Variants in AKAP19 observed in about 807,000 individuals in gnomAD.
AKAP19 encodes the protein A-kinase anchoring protein 19.
At chr2:189,995,780 A>G in the AKAP19 span, among the ~76,000 whole-genome samples, 617 of 152,092 alleles carry the variant, frequency 4.1e-3, 3 homozygotes, top group Non-Finnish European at 6.1e-3. Flanking sequence ...GTTTCAAGAT[A>G]TAGAACTCCT....
chr2:189,963,441 T>A, the AKAP19 span, among the ~76,000 whole-genome samples: 2 of 152,108 alleles, frequency 1.3e-5, no homozygotes, highest in Non-Finnish European at 2.9e-5. Context: ...GTGATCTGCC[T>A]GCCTCGGCCT....
the AKAP19 span, among the ~76,000 whole-genome samples, chr2:189,945,800 A>G: frequency 1.3e-5 from 2 of 152,138 alleles, no homozygotes; most frequent in Admixed American, 6.5e-5. Flanking sequence ...TCAGGAGACT[A>G]TTTATTCTGA....
At chr2:190,168,669 T>C in the AKAP19 span, among the ~76,000 whole-genome samples, 1 of 152,304 alleles carries the variant, frequency 6.6e-6, no homozygotes, top group South Asian at 2.1e-4. Flanking sequence ...TCCTAAATCA[T>C]CTCTTTCAAG....
At chr2:190,157,885 A>C in the AKAP19 span, among the ~76,000 whole-genome samples, 1 of 152,360 alleles carries the variant, frequency 6.6e-6, no homozygotes, top group East Asian at 1.9e-4. Flanking sequence ...ATATTGTTTT[A>C]TACTCAGTAC....
chr2:190,120,744 A>G, the AKAP19 span, among the ~76,000 whole-genome samples: 2 of 152,212 alleles, frequency 1.3e-5, no homozygotes, highest in Non-Finnish European at 2.9e-5. Flanking sequence ...TTGAAGTTGT[A>G]GAACAACTGT....
the AKAP19 span, among the ~76,000 whole-genome samples, chr2:189,926,935 G>A: frequency 6.6e-6 from 1 of 152,020 alleles, no homozygotes; most frequent in Non-Finnish European, 1.5e-5. Flanking sequence ...CCAGGCTGGA[G>A]TCCAGTGGTG....
the AKAP19 span, among the ~76,000 whole-genome samples, chr2:190,123,643 A>T: frequency 6.6e-6 from 1 of 152,236 alleles, no homozygotes; most frequent in Non-Finnish European, 1.5e-5. Context: ...CAGGATTGCA[A>T]GACTCACCAC....
At chr2:190,145,191 A>G in the AKAP19 span, among the ~76,000 whole-genome samples, 2 of 152,180 alleles carry the variant, frequency 1.3e-5, no homozygotes, top group African/African-American at 4.8e-5. Context: ...GGAGGCTGAC[A>G]TGGAAGAATC....
the AKAP19 span, among the ~76,000 whole-genome samples, chr2:190,143,034 G>C: frequency 6.6e-6 from 1 of 151,986 alleles, no homozygotes; most frequent in Non-Finnish European, 1.5e-5. Context: ...TCTTGGAACT[G>C]TCATGGCACT....
At chr2:190,177,363 C>A in the AKAP19 span, among the ~76,000 whole-genome samples, 3 of 152,158 alleles carry the variant, frequency 2.0e-5, no homozygotes, top group African/African-American at 7.2e-5. The surrounding 1 kb of genome is among the most constrained non-coding windows in gnomAD (Gnocchi z 4.6). Flanking sequence ...AATGAACACT[C>A]GCAAACTATG....
At chr2:190,201,707 T>C in the AKAP19 span, 1 of 167,062 alleles carries the variant, frequency 6.0e-6, no homozygotes, top group Non-Finnish European at 1.5e-5. Context: ...CATTCAACTC[T>C]AATTTTACCG....
the AKAP19 span, among the ~76,000 whole-genome samples, chr2:189,964,128 T>C: frequency 6.6e-6 from 1 of 152,346 alleles, no homozygotes; most frequent in South Asian, 2.1e-4. Context: ...ACAGAATGGA[T>C]GTTGTATTAA....
At chr2:190,068,216 C>T in the AKAP19 span, among the ~76,000 whole-genome samples, 1 of 152,136 alleles carries the variant, frequency 6.6e-6, no homozygotes, top group East Asian at 1.9e-4. Context: ...TAATCCCTAC[C>T]CTTCCATCCC....
chr2:189,992,536 T>TTA, the AKAP19 span, among the ~76,000 whole-genome samples: 1 of 20,600 alleles, frequency 4.9e-5, no homozygotes, highest in African/African-American at 1.6e-4. Context: ...AATTTTAGGA[T>TTA]TTTTTTTGTA....
chr2:189,935,278 CAT>C, the AKAP19 span, among the ~76,000 whole-genome samples: 2 of 151,474 alleles, frequency 1.3e-5, no homozygotes, highest in African/African-American at 2.4e-5. Flanking sequence ...GGAGTTCAGA[CAT>C]ATATTTAGAA....
chr2:189,917,358 T>C, the AKAP19 span: 2 of 1,169,226 alleles, frequency 1.7e-6, no homozygotes, highest in Non-Finnish European at 2.5e-6. Flanking sequence ...AATAGTATTT[T>C]AGATCAGTTT....
At chr2:190,079,313 A>G in the AKAP19 span, 2 of 152,214 alleles carry the variant, frequency 1.3e-5, no homozygotes, top group African/African-American at 4.8e-5. Flanking sequence ...GCTCCACACC[A>G]TTTAGTGGAA....
At chr2:189,912,025 T>A in the AKAP19 span, among the ~76,000 whole-genome samples, 1 of 152,034 alleles carries the variant, frequency 6.6e-6, no homozygotes, top group Admixed American at 6.6e-5. Flanking sequence ...ATGGCAACAA[T>A]TGAACAATTT....
chr2:189,892,549 A>G, the AKAP19 span, among the ~76,000 whole-genome samples: 1 of 152,202 alleles, frequency 6.6e-6, no homozygotes, highest in African/African-American at 2.4e-5. Context: ...TTGCATGGGT[A>G]TCACCAGCAG....
Sources: gnomAD v4.1 joint callset for allele counts (sites outside exome capture counted in the v4.1 genomes callset) on GRCh38, gnomAD v4.1.1 for gene constraint, Gnocchi (gnomAD v3.1) non-coding constraint, MANE v1.5 for transcripts, NCBI Gene and HGNC (gene_info 2026-07-23, HGNC 2026-07-21) for gene names.